The following OPCML variants were observed in gnomAD, a reference collection of about 807,000 sequenced individuals.
OPCML encodes opioid binding protein/cell adhesion molecule like, also known as opioid-binding protein/cell adhesion molecule.
Under a neutral mutation model 37.8 loss-of-function variants are expected in OPCML, and 13 were observed. The observed-to-expected ratio is 0.34, with a 90% CI of 0.22 to 0.55. The LOEUF (loss-of-function observed/expected upper bound fraction) is 0.55, where lower values mean the gene tolerates loss of function less well. OPCML is among the 20% of genes least tolerant of loss of function. The probability of loss-of-function intolerance (pLI) is 0.91; values close to 1 mark genes in which losing one functional copy is unlikely to be tolerated. For synonymous variants in OPCML, 176 were observed against 168.8 expected (o/e 1.04, Z -0.33); for missense variants, 341 against 435.6 (o/e 0.78, Z 1.93).
chr11:132,729,114 A>G (rs532358625), intron 2 of OPCML, among the ~76,000 whole-genome samples: 35 of 152,330 alleles, frequency 2.3e-4, no homozygotes, highest in African/African-American at 8.4e-4. Flanking sequence ...CCACCGATGG[A>G]AGAGAGAAGT....
At chr11:132,611,326 C>A (rs1364982230) in intron 3 of OPCML, among the ~76,000 whole-genome samples, 1 of 152,170 alleles carries the variant, frequency 6.6e-6, no homozygotes, top group Non-Finnish European at 1.5e-5. Context: ...CCCCCCAGCA[C>A]CACCCATTTC....
chr11:133,378,514 C>T (rs867171764), intron 1 of OPCML, among the ~76,000 whole-genome samples: 3 of 152,196 alleles, frequency 2.0e-5, no homozygotes, highest in Admixed American at 6.5e-5. Context: ...TCCCATACCC[C>T]GGCAAATTTT....
At chr11:132,863,201 T>C (rs1942380338) in intron 2 of OPCML, among the ~76,000 whole-genome samples, 1 of 152,166 alleles carries the variant, frequency 6.6e-6, no homozygotes, top group Non-Finnish European at 1.5e-5. Context: ...AGGATGTGTT[T>C]GCAGCAGAAA....
chr11:133,084,802 AT>A (rs35309579), intron 1 of OPCML, among the ~76,000 whole-genome samples: 278 of 151,240 alleles, frequency 1.8e-3, no homozygotes, highest in African/African-American at 6.4e-3. Flanking sequence ...AAACCTTGCC[AT>A]TTTTTTTTAC....
intron 2 of OPCML, among the ~76,000 whole-genome samples, chr11:132,839,883 G>C (rs1461076635): frequency 6.6e-6 from 1 of 152,102 alleles, no homozygotes; most frequent in African/African-American, 2.4e-5. Context: ...CTGAGTGGAG[G>C]GTTTCTTGCT....
At chr11:133,190,515 T>C (rs535962373) in intron 1 of OPCML, among the ~76,000 whole-genome samples, 3 of 152,210 alleles carry the variant, frequency 2.0e-5, no homozygotes, top group African/African-American at 7.2e-5. Flanking sequence ...ATTCAAAGTA[T>C]ACAATTCAAC....
intron 2 of OPCML, among the ~76,000 whole-genome samples, chr11:132,926,108 C>A (rs1452009843): frequency 6.6e-6 from 1 of 152,198 alleles, no homozygotes; most frequent in Non-Finnish European, 1.5e-5. Context: ...ACCACCATGG[C>A]AAGAATAGAG....
At chr11:133,241,097 G>A (rs1940715386) in intron 1 of OPCML, among the ~76,000 whole-genome samples, 1 of 152,178 alleles carries the variant, frequency 6.6e-6, no homozygotes, top group Non-Finnish European at 1.5e-5. Flanking sequence ...TCATGCTTAG[G>A]TGCATGTCTG....
intron 1 of OPCML, among the ~76,000 whole-genome samples, chr11:133,364,597 G>A (rs1023255814): frequency 1.2e-4 from 18 of 151,976 alleles, no homozygotes; most frequent in African/African-American, 2.4e-4. Flanking sequence ...TTTTCCATCC[G>A]TAAAAAGGTA....
chr11:133,013,197 C>T (rs1947254435), intron 1 of OPCML, among the ~76,000 whole-genome samples: 1 of 152,178 alleles, frequency 6.6e-6, no homozygotes, highest in Admixed American at 6.5e-5. Flanking sequence ...GAGAAAAAGG[C>T]AGTTCATTTT....
Position 132,546,816 on chromosome 11 carries a change from G to A in OPCML, c.380-17630C>T, listed in dbSNP as rs950858089. On this transcript the variant is annotated intron_variant, in intron 3 of 7. Transcript: ENST00000524381. ...AAGCACAGTGCCGGGGGTGGTGGCA[G>A]GTGGACAGTGCTCAAATATGACTGC... 6.9e-4 allele frequency among the ~76,000 whole-genome samples: 105 copies of A among 152,192 alleles called. 1 individual carries two copies. Among genetic ancestry groups the A allele is most frequent in the African/African-American group, 2.5e-3 (103 of 41,454 alleles).
intron 2 of OPCML, among the ~76,000 whole-genome samples, chr11:132,787,863 A>G (rs879201963): frequency 6.6e-6 from 1 of 152,046 alleles, no homozygotes; most frequent in Admixed American, 6.6e-5. Flanking sequence ...AAGCTCTTTC[A>G]CATTTCCAGT....
chr11:133,170,342 C>T (rs141427286), intron 1 of OPCML, among the ~76,000 whole-genome samples: 51 of 152,206 alleles, frequency 3.4e-4, no homozygotes, highest in Middle Eastern at 6.8e-3. Context: ...AAAACTTAGC[C>T]GGATGTGGTG....
intron 1 of OPCML, among the ~76,000 whole-genome samples, chr11:133,523,327 C>T (rs1248133151): frequency 6.6e-6 from 1 of 152,174 alleles, no homozygotes; most frequent in South Asian, 2.1e-4. Context: ...ACGCTCTTCT[C>T]AGCACTCTCC....
rs1272061685 is a variant in OPCML at position 133,140,531 on chromosome 11, T to TAATAATAATAATAAG, written c.62-197522_62-197521insCTTATTATTATTATT. Among the ~76,000 whole-genome samples the TAATAATAATAATAAG allele has an allele frequency of 9.0e-3, 789 of 88,064 alleles. 7 individuals carry two copies. The highest frequency in any genetic ancestry group is 0.014 in the Middle Eastern group (2 of 146). 57.8% of individuals were successfully genotyped at this position (88,064 alleles called of 152,430 possible). On this transcript the variant is annotated intron_variant, in intron 1 of 7. Coordinates refer to ENST00000524381, the MANE Select transcript of OPCML (RefSeq NM_001012393.5). ...TGTCTCAAAATAATAATAATAATAA[T>TAATAATAATAATAAG]AAGAAGAAGAAGAAGAAGAAGAAGA... is the stretch of plus-strand genomic sequence containing the variant.
At chr11:132,435,946 A>G (rs1592169882) in intron 7 of OPCML, 140 bp downstream of exon 7, 1 of 714,866 alleles carries the variant, frequency 1.4e-6, no homozygotes, top group South Asian at 2.2e-5. Context: ...AATGGCAGGG[A>G]GAAGTATGTC....
In OPCML at chr11:132,619,683, CAAAA is replaced by C. The variant is rs67315430; in HGVS notation, c.379+37400_379+37403del. Among the ~76,000 whole-genome samples, 73 of 135,506 alleles carry C rather than the reference CAAAA, an allele frequency of 5.4e-4. 1 individual carries two copies. Among genetic ancestry groups the C allele is most frequent in the African/African-American group, 9.3e-4 (34 of 36,618 alleles). 88.9% of individuals were successfully genotyped at this position (135,506 alleles called of 152,430 possible). A position where few individuals can be genotyped will look rare whatever the true frequency, so the allele number is the denominator to read the frequency against. On this transcript the variant is annotated intron_variant, in intron 3 of 7. Transcript: ENST00000524381. ...GAAACCCCGTCTCTACTGAAAATAC[CAAAA>C]AAAAAAAAAAAAAAATTAGCCGGGC... is the stretch of plus-strand genomic sequence containing the variant.
chr11:133,486,092 T>C (rs1482161530), intron 1 of OPCML, among the ~76,000 whole-genome samples: 1 of 152,184 alleles, frequency 6.6e-6, no homozygotes, highest in Non-Finnish European at 1.5e-5. Context: ...GAATCAATAA[T>C]ATATATGAAT....
chr11:132,737,664 A>G (rs1945305483), intron 2 of OPCML, among the ~76,000 whole-genome samples: 1 of 152,164 alleles, frequency 6.6e-6, no homozygotes, highest in Non-Finnish European at 1.5e-5. Flanking sequence ...CATGCTGTGT[A>G]GAGAGCTTCC....
Sources: allele counts gnomAD v4.1 joint callset (sites outside exome capture counted in the v4.1 genomes callset), GRCh38; gene constraint gnomAD v4.1.1; transcripts MANE v1.5; gene names NCBI Gene and HGNC (gene_info 2026-07-23, HGNC 2026-07-21).